GALNT13: variants seen among roughly 807,000 people sequenced by gnomAD.
GALNT13 encodes polypeptide N-acetylgalactosaminyltransferase 13, also known as UDP-GalNAc:polypeptide N-acetylgalactosaminyltransferase 13.
GALNT13 carries 28 observed loss-of-function variants against 64.2 expected under a neutral mutation model. The ratio of observed to expected loss-of-function variants is 0.44; its 90% CI spans 0.32 to 0.60. GALNT13 has a LOEUF of 0.60. Among genes scored for constraint, GALNT13 ranks in the 20% least tolerant of loss-of-function variants. The probability of loss-of-function intolerance (pLI) is 0.05; values close to 1 mark genes in which losing one functional copy is unlikely to be tolerated. For synonymous variants in GALNT13, 214 were observed against 224.6 expected (o/e 0.95, Z 0.42); for missense variants, 577 against 669.8 (o/e 0.86, Z 1.53).
At chr2:153,655,029 A>G in the GALNT13 span, among the ~76,000 whole-genome samples, 1 of 152,144 alleles carries the variant, frequency 6.6e-6, no homozygotes, top group African/African-American at 2.4e-5. Context: ...GAATAAACAC[A>G]TGTAACTAGT....
chr2:153,294,996 G>A, the GALNT13 span, among the ~76,000 whole-genome samples: 1 of 152,148 alleles, frequency 6.6e-6, no homozygotes, highest in Non-Finnish European at 1.5e-5. Context: ...GGGCTTTATA[G>A]ATTTAAATTT....
the GALNT13 span, among the ~76,000 whole-genome samples, chr2:153,443,934 A>G: frequency 3.9e-5 from 6 of 152,146 alleles, no homozygotes; most frequent in Admixed American, 3.9e-4. Flanking sequence ...AAAAAAGGTC[A>G]GTTTCTCATA....
At chr2:153,752,491 AAT>A in the GALNT13 span, among the ~76,000 whole-genome samples, 1 of 152,030 alleles carries the variant, frequency 6.6e-6, no homozygotes. Flanking sequence ...ATGTTTTAAA[AAT>A]ATTTTCACCA....
At chr2:154,432,713 A>T (rs1700764401) in intron 11 of GALNT13, among the ~76,000 whole-genome samples, 1 of 152,062 alleles carries the variant, frequency 6.6e-6, no homozygotes. Flanking sequence ...CCATCATCAC[A>T]TGGCTGTCTT....
intron 3 of GALNT13, among the ~76,000 whole-genome samples, chr2:154,026,785 G>A (rs1434693990): frequency 1.3e-5 from 2 of 152,082 alleles, no homozygotes; most frequent in Non-Finnish European, 2.9e-5. Context: ...AATGAATTTG[G>A]GAGAGTAGGG....
At chr2:153,821,027 T>G in the GALNT13 span, among the ~76,000 whole-genome samples, 2 of 152,028 alleles carry the variant, frequency 1.3e-5, no homozygotes, top group Non-Finnish European at 2.9e-5. Context: ...AGATATATCA[T>G]GCAAACAGAA....
the GALNT13 span, among the ~76,000 whole-genome samples, chr2:153,715,847 T>G: frequency 6.6e-6 from 1 of 151,762 alleles, no homozygotes; most frequent in African/African-American, 2.4e-5. Context: ...TTTTTTTTTT[T>G]TCTGACTCAT....
chr2:154,364,642 GTTGTTTTGTTTTGTTTTGTT>G lies in GALNT13; in HGVS notation c.1157-31320_1157-31301del, dbSNP rs10618298. On this transcript the variant is annotated intron_variant, in intron 9 of 12. Coordinates refer to ENST00000392825, the MANE Select transcript of GALNT13 (RefSeq NM_052917.4). ...TTGAGTATTGTTATCCTTCACTTTT[GTTGTTTTGTTTTGTTTTGTT>G]TTGTTTTGTTTTGTTTTGTTTTGTT... Among the ~76,000 whole-genome samples the G allele has an allele frequency of 5.6e-3, 831 of 149,696 alleles. 5 individuals are homozygous for G. The highest frequency in any genetic ancestry group is 0.016 in the African/African-American group (663 of 40,574).
chr2:154,286,397 T>A (rs561368413), intron 8 of GALNT13, among the ~76,000 whole-genome samples: 1 of 152,282 alleles, frequency 6.6e-6, no homozygotes, highest in Admixed American at 6.5e-5. Flanking sequence ...CGATATTGAA[T>A]TTGTCAAATT....
At chr2:153,493,713 A>G in the GALNT13 span, among the ~76,000 whole-genome samples, 4 of 152,048 alleles carry the variant, frequency 2.6e-5, no homozygotes, top group South Asian at 8.3e-4. Context: ...GAATATTCTT[A>G]TGAATATAGA....
chr2:154,296,160 G>T (rs192180603), intron 8 of GALNT13, among the ~76,000 whole-genome samples: 13 of 152,080 alleles, frequency 8.5e-5, no homozygotes, highest in African/African-American at 2.7e-4. Flanking sequence ...AATGACTGAG[G>T]TCTTGTCCAG....
intron 12 of GALNT13, among the ~76,000 whole-genome samples, chr2:154,444,744 T>A (rs1181722443): frequency 6.6e-6 from 1 of 152,104 alleles, no homozygotes; most frequent in Non-Finnish European, 1.5e-5. Context: ...TCTCTGAATA[T>A]CAATATATTG....
chr2:153,206,677 G>T, the GALNT13 span, among the ~76,000 whole-genome samples: 54 of 152,108 alleles, frequency 3.6e-4, no homozygotes, highest in Middle Eastern at 3.4e-3. Flanking sequence ...TCTGAAGGAA[G>T]AAAATAAGAA....
chr2:153,952,608 G>C (rs1190517628), intron 3 of GALNT13, among the ~76,000 whole-genome samples: 1 of 152,090 alleles, frequency 6.6e-6, no homozygotes, highest in Non-Finnish European at 1.5e-5. Flanking sequence ...ATGATGTTAT[G>C]ATATGTATTA....
intron 4 of GALNT13, among the ~76,000 whole-genome samples, chr2:154,161,796 G>T (rs10195549): frequency 0.21 from 29,785 of 142,676 alleles, 3,837 homozygotes; most frequent in Middle Eastern, 0.35. Context: ...TTTTTTTTTT[G>T]TTTTCAGACG....
chr2:153,862,901 A>G, the GALNT13 span, among the ~76,000 whole-genome samples: 3 of 152,112 alleles, frequency 2.0e-5, no homozygotes, highest in African/African-American at 7.2e-5. Flanking sequence ...CCCTTTATTT[A>G]GTTAGCTAAG....
the GALNT13 span, among the ~76,000 whole-genome samples, chr2:153,296,840 G>A: frequency 1.3e-5 from 2 of 152,086 alleles, no homozygotes; most frequent in East Asian, 3.9e-4. Flanking sequence ...CATGTTAAAT[G>A]TTTTTCTTTA....
the GALNT13 span, among the ~76,000 whole-genome samples, chr2:153,524,380 C>A: frequency 6.2e-5 from 9 of 145,704 alleles, no homozygotes; most frequent in Middle Eastern, 3.6e-3. Context: ...ACCAATTATT[C>A]CCCCTGCAAG....
chr2:153,094,299 A>T, the GALNT13 span, among the ~76,000 whole-genome samples: 2 of 151,962 alleles, frequency 1.3e-5, no homozygotes, highest in South Asian at 4.1e-4. Context: ...TTTGTATCTG[A>T]TATGTTTTGG....
Sources: gnomAD v4.1 joint callset for allele counts (sites outside exome capture counted in the v4.1 genomes callset) on GRCh38, gnomAD v4.1.1 for gene constraint, MANE v1.5 for transcripts, NCBI Gene and HGNC (gene_info 2026-07-23, HGNC 2026-07-21) for gene names.